Variants in DSCAML1 observed in about 807,000 individuals in gnomAD.
The protein encoded by DSCAML1 is cell adhesion molecule DSCAML1.
In DSCAML1, 38 loss-of-function variants were observed where a neutral mutation model predicts 200.5. That is an observed-to-expected ratio of 0.19 (90% CI 0.15 to 0.25). DSCAML1 has a LOEUF of 0.25. DSCAML1 is among the 10% of genes least tolerant of loss of function. DSCAML1 has a pLI of 1.00. For synonymous variants in DSCAML1, 1,215 were observed against 1,165.0 expected, an observed-to-expected ratio of 1.04 and a Z score of -0.87; for missense variants, 2,223 against 2,858.8, an observed-to-expected ratio of 0.78 and a Z score of 5.07.
At chr11:117,763,111 G>A (rs1048418688) in intron 3 of DSCAML1, among the ~76,000 whole-genome samples, 5 of 152,220 alleles carry the variant, frequency 3.3e-5, no homozygotes, top group South Asian at 4.1e-4. Flanking sequence ...CCAGCAGCCC[G>A]AGGAGGGGCA....
chr11:117,430,629 C>T (rs889442674), intron 32 of DSCAML1, 93 bp downstream of exon 32: 14 of 1,432,204 alleles, frequency 9.8e-6, no homozygotes, highest in Non-Finnish European at 1.3e-5. Flanking sequence ...CTGGCATGAT[C>T]CTGGTGCTGG....
At position 117,428,730 on chromosome 11, in the gene DSCAML1, G is replaced by A. The variant is rs76827288; in HGVS notation, c.5760C>T (p.Cys1920=). 5.4e-3 allele frequency: 8,728 copies of A among 1,613,094 alleles called. 405 individuals carry two copies. The African/African-American group carries it at 0.1, about 19-fold the overall frequency. The change falls in exon 33 of 33, where the codon TGC becomes TGT. Residue 1920 remains cysteine, a synonymous_variant. Coordinates refer to ENST00000651296, the MANE Select transcript of DSCAML1 (RefSeq NM_020693.4). Reference sequence around the variant, plus strand: ...AGGCCTCACGGGGTGGGACCACGGGGCAGGGCTCACGTCCATCTGCCTTTC... The same window carrying A: ...AGGCCTCACGGGGTGGGACCACGGGACAGGGCTCACGTCCATCTGCCTTTC... ...FFRKADGREP[C]PVVPPREASI...
At chr11:117,690,528 G>A (rs1247085621) in intron 3 of DSCAML1, among the ~76,000 whole-genome samples, 4 of 152,250 alleles carry the variant, frequency 2.6e-5, no homozygotes, top group Non-Finnish European at 4.4e-5. Context: ...AGATTTCCGA[G>A]CTGGAAGGAT....
chr11:117,657,195 C>A (rs572173742), intron 3 of DSCAML1, among the ~76,000 whole-genome samples: 1 of 152,258 alleles, frequency 6.6e-6, no homozygotes, highest in South Asian at 2.1e-4. Flanking sequence ...CTTCCAGATT[C>A]GCAAAGCCCT....
intron 3 of DSCAML1, among the ~76,000 whole-genome samples, chr11:117,536,483 G>C (rs917435277): frequency 2.0e-5 from 3 of 152,220 alleles, no homozygotes; most frequent in Non-Finnish European, 4.4e-5. Context: ...CAGTACCTCC[G>C]GGTCCAGCAC....
intron 29 of DSCAML1, 139 bp from the exon 30 acceptor site, chr11:117,432,643 G>T (rs928209941): frequency 2.0e-6 from 2 of 975,718 alleles, no homozygotes; most frequent in South Asian, 3.4e-5. Context: ...TTGAGACAGG[G>T]TCTCACTCTG....
intron 3 of DSCAML1, among the ~76,000 whole-genome samples, chr11:117,695,022 C>T (rs2053563322): frequency 6.6e-6 from 1 of 152,082 alleles, no homozygotes; most frequent in Non-Finnish European, 1.5e-5. Flanking sequence ...ACAGAAAGGA[C>T]TTTAGAAAGA....
At chr11:117,725,949 C>G (rs533553799) in intron 3 of DSCAML1, among the ~76,000 whole-genome samples, 1 of 152,330 alleles carries the variant, frequency 6.6e-6, no homozygotes, top group Admixed American at 6.5e-5. Context: ...TGGGCCCTAC[C>G]CACAGGTCCC....
rs767847964 is a variant in DSCAML1, at chr11:117,797,147, C to G, written c.-68G>C. 27 of 1,589,018 alleles carry G rather than the reference C, an allele frequency of 1.7e-5. 1 individual carries two copies. The highest frequency in any genetic ancestry group is 5.5e-5 in the African/African-American group (4 of 72,388). On this transcript the variant is annotated 5_prime_UTR_variant, in exon 1 of 33. Transcript: ENST00000651296. The stretch of plus-strand genomic sequence containing the variant: ...CGGCCGTGCGGCAGCGCCTCTCCCC[C>G]GCTCAGCGCGCTCCCAGCCGCCCGC...
intron 3 of DSCAML1, among the ~76,000 whole-genome samples, chr11:117,564,147 G>A (rs1256696344): frequency 6.6e-6 from 1 of 152,214 alleles, no homozygotes; most frequent in Non-Finnish European, 1.5e-5. Flanking sequence ...GTATCCGCAA[G>A]AGGGAAAAGT....
chr11:117,630,859 C>A (rs911771298), intron 3 of DSCAML1, among the ~76,000 whole-genome samples: 3 of 151,994 alleles, frequency 2.0e-5, no homozygotes, highest in African/African-American at 7.3e-5. Flanking sequence ...GGCTCCGATA[C>A]CCTTCCTAAA....
chr11:117,475,237 C>T (rs187377020), intron 14 of DSCAML1, among the ~76,000 whole-genome samples: 1 of 152,160 alleles, frequency 6.6e-6, no homozygotes, highest in South Asian at 2.1e-4. Flanking sequence ...CAAATACAAT[C>T]GAGCTCCTCT....
At chr11:117,621,545 G>C (rs1027766942) in intron 3 of DSCAML1, among the ~76,000 whole-genome samples, 24 of 152,122 alleles carry the variant, frequency 1.6e-4, no homozygotes, top group African/African-American at 5.6e-4. Flanking sequence ...CTGAGTCTCA[G>C]GAAAAGGAAA....
At chr11:117,510,875 T>G (rs1476583488) in intron 8 of DSCAML1, among the ~76,000 whole-genome samples, 1 of 152,148 alleles carries the variant, frequency 6.6e-6, no homozygotes. Flanking sequence ...GAAGTAAGGT[T>G]GTTGGCAGTG....
chr11:117,789,910 C>T (rs1453243795), intron 1 of DSCAML1, among the ~76,000 whole-genome samples: 3 of 152,158 alleles, frequency 2.0e-5, no homozygotes, highest in Non-Finnish European at 4.4e-5. Context: ...CTAGTGAAGA[C>T]AGAAAAAGAC....
intron 8 of DSCAML1, among the ~76,000 whole-genome samples, chr11:117,509,354 A>C (rs2049572658): frequency 6.6e-6 from 1 of 152,150 alleles, no homozygotes; most frequent in African/African-American, 2.4e-5. Flanking sequence ...CCGAGAGGCC[A>C]CTGAAGAAGA....
intron 11 of DSCAML1, among the ~76,000 whole-genome samples, chr11:117,502,529 C>T (rs910707395): frequency 6.6e-6 from 1 of 152,142 alleles, no homozygotes; most frequent in Non-Finnish European, 1.5e-5. Flanking sequence ...GCGGGGATTC[C>T]GGCTCGGAGC....
At chr11:117,537,458 G>A (rs951748476) in intron 3 of DSCAML1, among the ~76,000 whole-genome samples, 1 of 152,202 alleles carries the variant, frequency 6.6e-6, no homozygotes, top group African/African-American at 2.4e-5. Context: ...GGGCCACCAG[G>A]GGTGGCGGGG....
At chr11:117,800,184 T>C (rs1375818764), upstream of DSCAML1, among the ~76,000 whole-genome samples, 1 of 152,190 alleles carries the variant, frequency 6.6e-6, no homozygotes, top group African/African-American at 2.4e-5. Context: ...CAGATGTATT[T>C]AGAAGTCTCC....
Sources: gnomAD v4.1 joint callset for allele counts (sites outside exome capture counted in the v4.1 genomes callset) on GRCh38, gnomAD v4.1.1 for gene constraint, MANE v1.5 for transcripts, NCBI Gene and HGNC (gene_info 2026-07-23, HGNC 2026-07-21) for gene names.